GPC4: variants seen among roughly 807,000 people sequenced by gnomAD.
GPC4 encodes the protein glypican-4.
GPC4 carries 10 observed loss-of-function variants against 35.0 expected under a neutral mutation model. The ratio of observed to expected loss-of-function variants is 0.29; its 90% CI spans 0.18 to 0.48. The LOEUF (loss-of-function observed/expected upper bound fraction) is 0.48, where lower values mean the gene tolerates loss of function less well. Ranked by LOEUF, GPC4 falls within the 20% of genes least tolerant of loss-of-function variation. GPC4 has a pLI of 0.99. For synonymous variants in GPC4, 167 were observed against 170.2 expected (o/e 0.98, Z 0.15); for missense variants, 322 against 451.3 (o/e 0.71, Z 2.60).
chrX:133,395,412 G>A (rs1267399211), intron 1 of GPC4, among the ~76,000 whole-genome samples: 2 of 110,591 alleles, frequency 1.8e-5, no homozygotes, highest in African/African-American at 3.3e-5. Flanking sequence ...TACCTGAGGT[G>A]AGGAGTTCAA....
At position 133,339,251 on chromosome X, in the gene GPC4, T is replaced by C. The variant is rs147901497; in HGVS notation, c.251A>G (p.Lys84Arg). 2.4e-5 allele frequency: 29 copies of C among 1,210,099 alleles called. No homozygotes were observed. The highest frequency in any genetic ancestry group is 5.2e-5 in the African/African-American group (3 of 57,276). Residue 84 changes from lysine to arginine, a missense_variant, in exon 2 of 9, where the codon AAA (lysine) becomes AGA (arginine). By Grantham distance (26) the Lys-to-Arg change is conservative (BLOSUM62 2). Around this residue, in one of 3 missense-constraint regions of GPC4, gnomAD observed 163 missense variants for 277.2 expected, o/e 0.59. Transcript: ENST00000370828. ...ATTGCACTGTTCGCTGACCACACTT[T>C]TGAAATCATCTTTACTTTGCAGGCT... ...KYSLQSKDDF[K>R]SVVSEQCNHL...
chrX:133,411,446 C>T (rs1156787876), intron 1 of GPC4, among the ~76,000 whole-genome samples: 1 of 111,828 alleles, frequency 8.9e-6, no homozygotes. Flanking sequence ...TTAAACTTAT[C>T]TTCATTAGTA....
intron 2 of GPC4, among the ~76,000 whole-genome samples, chrX:133,336,316 C>A (rs1342426815): frequency 9.0e-6 from 1 of 111,512 alleles, no homozygotes; most frequent in Non-Finnish European, 1.9e-5. Context: ...GGGCGGATCA[C>A]CTGAGGTCAG....
At chrX:133,414,515 G>A in intron 1 of GPC4, 1 of 754,388 alleles carries the variant, frequency 1.3e-6, no homozygotes, top group Non-Finnish European at 1.6e-6. Context: ...AATGCAGGGG[G>A]GAGAGGAGGA....
At chrX:133,306,819 GAGA>G (rs1409719094) in intron 4 of GPC4, among the ~76,000 whole-genome samples, 1 of 111,452 alleles carries the variant, frequency 9.0e-6, no homozygotes, top group African/African-American at 3.3e-5. Flanking sequence ...TTTTGCAAGT[GAGA>G]AGATGACACA....
chrX:133,357,254 C>T (rs1473397952), intron 1 of GPC4, among the ~76,000 whole-genome samples: 1 of 108,399 alleles, frequency 9.2e-6, no homozygotes, highest in African/African-American at 3.4e-5. Flanking sequence ...CACAGTGGTG[C>T]ATGCCTGTAG....
intron 1 of GPC4, among the ~76,000 whole-genome samples, chrX:133,359,901 C>T (rs922854277): frequency 9.0e-6 from 1 of 110,974 alleles, no homozygotes; most frequent in African/African-American, 3.3e-5. Flanking sequence ...AATGTAATTC[C>T]TATTCATAAG....
At chrX:133,357,934 G>T (rs751518155) in intron 1 of GPC4, among the ~76,000 whole-genome samples, 2 of 111,766 alleles carry the variant, frequency 1.8e-5, no homozygotes, top group East Asian at 5.6e-4. Context: ...ACCAATGGGG[G>T]AGTGTTTGTT....
intron 1 of GPC4, among the ~76,000 whole-genome samples, chrX:133,371,683 G>C (rs2068612712): frequency 8.9e-6 from 1 of 111,912 alleles, no homozygotes; most frequent in Non-Finnish European, 1.9e-5. Flanking sequence ...TGCTTGAGTT[G>C]ATTTCTCTTT....
At chrX:133,344,664 G>A (rs990287994) in intron 1 of GPC4, among the ~76,000 whole-genome samples, 1 of 111,488 alleles carries the variant, frequency 9.0e-6, no homozygotes, top group African/African-American at 3.3e-5. Context: ...GAGGAATACC[G>A]GTAGTTACCA....
chrX:133,372,017 T>C (rs1428833852), intron 1 of GPC4, among the ~76,000 whole-genome samples: 2 of 110,179 alleles, frequency 1.8e-5, no homozygotes, highest in Non-Finnish European at 3.8e-5. Context: ...GCAGATTACC[T>C]GAGGTCAGAA....
rs57898529 is a variant in GPC4, at chrX:133,324,550, C to CA, written c.320-15dup. On this transcript the variant is annotated splice_polypyrimidine_tract_variant and intron_variant, in intron 2 of 8. Transcript: ENST00000370828. ...CTTTGAAGAATTCTGAAACCAACACCAAAAAAAAAAAAAAAAAAAGGAAAA... is the reference window on the plus strand; with the variant it reads ...CTTTGAAGAATTCTGAAACCAACACCAAAAAAAAAAAAAAAAAAAAGGAAAA... 43,623 of 772,433 alleles carry CA rather than the reference C, an allele frequency of 0.056. 797 individuals are homozygous for CA. Among genetic ancestry groups the CA allele is most frequent in the Admixed American group, 0.14 (2,168 of 15,126 alleles). The allele number at this position is 772,433 out of a possible 1,213,427, so 63.7% of individuals were successfully genotyped here. A position where few individuals can be genotyped will look rare whatever the true frequency, so the allele number is the denominator to read the frequency against.
intron 2 of GPC4, among the ~76,000 whole-genome samples, chrX:133,331,226 G>T (rs1299984650): frequency 9.0e-6 from 1 of 111,670 alleles, no homozygotes; most frequent in African/African-American, 3.3e-5. Context: ...GGTCCCTTTT[G>T]CTGGGCATCA....
At chrX:133,368,121 T>A (rs2068597676) in intron 1 of GPC4, among the ~76,000 whole-genome samples, 1 of 111,890 alleles carries the variant, frequency 8.9e-6, no homozygotes, top group African/African-American at 3.3e-5. Flanking sequence ...ATCTCTTTTT[T>A]AAAAATGTAA....
At position 133,409,530 on chromosome X, in the gene GPC4, T is replaced by C. The variant is rs2068804423; in HGVS notation, c.160+5276A>G. Among the ~76,000 whole-genome samples the C allele has an allele frequency of 2.7e-5, 3 of 110,651 alleles. No homozygotes were observed. In the South Asian group the frequency reaches 1.1e-3, roughly 42 times the overall value. ...TGCACTGACCTACCACACTTGGTAC[T>C]GCTACCCACAGACAAGACGAGGAGT... On this transcript the variant is annotated intron_variant, in intron 1 of 8. Coordinates refer to ENST00000370828, the MANE Select transcript of GPC4 (RefSeq NM_001448.3).
At chrX:133,391,512 G>A (rs753572753) in intron 1 of GPC4, among the ~76,000 whole-genome samples, 2 of 112,028 alleles carry the variant, frequency 1.8e-5, no homozygotes, top group African/African-American at 3.2e-5. Flanking sequence ...TTTTCTGCTG[G>A]TTAATTTTGT....
chrX:133,335,324 A>G (rs1202425181), intron 2 of GPC4, among the ~76,000 whole-genome samples: 1 of 111,502 alleles, frequency 9.0e-6, no homozygotes, highest in East Asian at 2.8e-4. Context: ...GGTTTAAAAA[A>G]TGATAGCATA....
intron 3 of GPC4, among the ~76,000 whole-genome samples, chrX:133,313,995 T>A (rs759619835): frequency 1.8e-5 from 2 of 112,248 alleles, no homozygotes; most frequent in African/African-American, 6.5e-5. Context: ...TTGAATATTA[T>A]GCTTAAGAGG....
At chrX:133,377,108 C>T (rs143132026) in intron 1 of GPC4, among the ~76,000 whole-genome samples, 1,577 of 111,789 alleles carry the variant, frequency 0.014, 36 homozygotes, top group African/African-American at 0.049. Flanking sequence ...TCTAGTTCCT[C>T]GAGACCCTCG....
Sources: allele counts gnomAD v4.1 joint callset (sites outside exome capture counted in the v4.1 genomes callset), GRCh38; gene constraint gnomAD v4.1.1; regional missense constraint gnomAD v4.1.1; transcripts MANE v1.5; gene names NCBI Gene and HGNC (gene_info 2026-07-23, HGNC 2026-07-21).